SLC38A4: variants seen among roughly 807,000 people sequenced by gnomAD.
SLC38A4 encodes sodium-coupled neutral amino acid transporter 4.
A neutral mutation model predicts 63.1 loss-of-function variants in SLC38A4; 20 were observed. The ratio of observed to expected loss-of-function variants is 0.32; its 90% confidence interval spans 0.22 to 0.46. The LOEUF is 0.46. Ranked by LOEUF, SLC38A4 falls within the 20% of genes least tolerant of loss-of-function variation. SLC38A4 has a pLI of 1.00. For synonymous variants in SLC38A4, 230 were observed against 225.5 expected (o/e 1.02, Z -0.18); for missense variants, 526 against 663.6 (o/e 0.79, Z 2.28).
At chr12:46,794,109 A>G (rs927366297) in intron 2 of SLC38A4, among the ~76,000 whole-genome samples, 20 of 152,168 alleles carry the variant, frequency 1.3e-4, no homozygotes, top group African/African-American at 4.3e-4. Flanking sequence ...CATGTGCAAT[A>G]CCCATTTGAT....
At chr12:46,820,766 T>C (rs1355488622) in intron 1 of SLC38A4, among the ~76,000 whole-genome samples, 2 of 151,972 alleles carry the variant, frequency 1.3e-5, no homozygotes, top group Non-Finnish European at 2.9e-5. Context: ...GTTTTCCATA[T>C]TGCCTGTACT....
intron 1 of SLC38A4, among the ~76,000 whole-genome samples, chr12:46,815,041 G>T (rs550220892): frequency 3.3e-5 from 5 of 151,566 alleles, no homozygotes; most frequent in African/African-American, 1.2e-4. Flanking sequence ...TGGCTTTGTG[G>T]CATGAGTTTT....
intron 7 of SLC38A4, among the ~76,000 whole-genome samples, chr12:46,782,131 T>C (rs1938655839): frequency 6.6e-6 from 1 of 152,038 alleles, no homozygotes; most frequent in East Asian, 1.9e-4. Context: ...ACTTATCTGC[T>C]TACCAACTAT....
upstream of SLC38A4, among the ~76,000 whole-genome samples, chr12:46,826,292 G>A (rs1262236559): frequency 6.6e-6 from 1 of 152,152 alleles, no homozygotes; most frequent in African/African-American, 2.4e-5. Context: ...CAAACACAGG[G>A]TGGGTAGAAA....
intron 14 of SLC38A4, among the ~76,000 whole-genome samples, chr12:46,771,612 C>T (rs1209684783): frequency 6.6e-6 from 1 of 152,066 alleles, no homozygotes; most frequent in Non-Finnish European, 1.5e-5. Flanking sequence ...AGGAAAATTC[C>T]AAACAGAACT....
intron 14 of SLC38A4, among the ~76,000 whole-genome samples, 167 bp downstream of exon 14, chr12:46,774,882 C>G (rs1415604522): frequency 6.6e-6 from 1 of 152,032 alleles, no homozygotes; most frequent in Non-Finnish European, 1.5e-5. Flanking sequence ...GCTCTATCTA[C>G]ACATTAAATG....
rs1037786289 is a variant in SLC38A4, at chr12:46,787,846, T to C, written c.326+70A>G. ...ACGTTCACAAAGATCAAACTTGAGA[T>C]TGTTAATTGAAAAAGCCACCAGGTA... is the stretch of plus-strand genomic sequence containing the variant. On this transcript the variant is annotated intron_variant, in intron 5 of 16. Coordinates refer to ENST00000266579, the MANE Select transcript of SLC38A4 (RefSeq NM_018018.5). 88 of 1,081,386 alleles carry C rather than the reference T, an allele frequency of 8.1e-5. No homozygotes were observed. In the African/African-American group the frequency reaches 1.2e-3, roughly 15 times the overall value. 67.0% of individuals were successfully genotyped at this position (1,081,386 alleles called of 1,614,324 possible).
intron 1 of SLC38A4, among the ~76,000 whole-genome samples, chr12:46,813,321 G>T (rs1452547062): frequency 6.6e-6 from 1 of 151,886 alleles, no homozygotes; most frequent in Non-Finnish European, 1.5e-5. Flanking sequence ...CTGTTCAAAT[G>T]AGCTCAGCTT....
intron 2 of SLC38A4, among the ~76,000 whole-genome samples, chr12:46,799,885 C>A (rs934766037): frequency 9.9e-5 from 15 of 152,106 alleles, no homozygotes; most frequent in African/African-American, 3.4e-4. Flanking sequence ...AGACTCCTTG[C>A]ACCTGAGGAA....
chr12:46,780,049 C>G lies in SLC38A4; in HGVS notation c.494-19G>C, dbSNP rs372178668. 5.7e-6 allele frequency: 9 copies of G among 1,579,336 alleles called. No homozygotes were observed. The highest frequency in any genetic ancestry group is 2.7e-5 in the African/African-American group (2 of 74,068). ...GACATTGCTAAAATGGAAAATGTGA[C>G]AGCTTAATGGTGTGGACAGTACTGA... On this transcript the variant is annotated intron_variant, in intron 7 of 16. Coordinates refer to ENST00000266579, the MANE Select transcript of SLC38A4 (RefSeq NM_018018.5).
At chr12:46,794,684 G>A (rs905016961) in intron 2 of SLC38A4, among the ~76,000 whole-genome samples, 14 of 151,620 alleles carry the variant, frequency 9.2e-5, no homozygotes, top group Admixed American at 2.6e-4. Flanking sequence ...ATACAAATAA[G>A]AAGTTAAGAG....
chr12:46,817,515 A>C (rs529008554), intron 1 of SLC38A4, among the ~76,000 whole-genome samples: 32 of 151,936 alleles, frequency 2.1e-4, no homozygotes, highest in Admixed American at 3.9e-4. Context: ...AACCTGGTGC[A>C]CGAAAACGAT....
At chr12:46,770,891 G>C (rs1307965701) in intron 14 of SLC38A4, among the ~76,000 whole-genome samples, 1 of 152,104 alleles carries the variant, frequency 6.6e-6, no homozygotes, top group Non-Finnish European at 1.5e-5. Flanking sequence ...ATTTAAAAGA[G>C]AGAAAATGTA....
chr12:46,788,710 T>C (rs1938816971), intron 3 of SLC38A4, 92 bp from the exon 4 acceptor site: 1 of 1,163,998 alleles, frequency 8.6e-7, no homozygotes, highest in Non-Finnish European at 1.2e-6. Flanking sequence ...AGTAACTGAA[T>C]CAGAGGAGGG....
intron 14 of SLC38A4, among the ~76,000 whole-genome samples, chr12:46,772,533 A>G (rs895067031): frequency 6.6e-6 from 1 of 152,070 alleles, no homozygotes; most frequent in African/African-American, 2.4e-5. Flanking sequence ...AGGAGGTGCC[A>G]TTCCATAACT....
intron 15 of SLC38A4, among the ~76,000 whole-genome samples, chr12:46,768,887 A>G (rs770982672): frequency 1.1e-4 from 16 of 152,082 alleles, no homozygotes; most frequent in Non-Finnish European, 2.2e-4. Flanking sequence ...TCAACCTCCT[A>G]TTCCTCTGAA....
intron 1 of SLC38A4, among the ~76,000 whole-genome samples, chr12:46,818,529 C>A (rs1432958549): frequency 6.6e-6 from 1 of 151,624 alleles, no homozygotes; most frequent in Non-Finnish European, 1.5e-5. Context: ...TAATATAGTA[C>A]AACTCATTTT....
upstream of SLC38A4, among the ~76,000 whole-genome samples, chr12:46,827,923 ATGTTCAGTTACT>A (rs1939681554): frequency 1.3e-5 from 2 of 152,126 alleles, no homozygotes; most frequent in Non-Finnish European, 2.9e-5. Flanking sequence ...GCTAATTCCT[ATGTTCAGTTACT>A]TTGTTCTGTT....
intron 7 of SLC38A4, among the ~76,000 whole-genome samples, chr12:46,782,238 G>A (rs1229101781): frequency 6.6e-6 from 1 of 151,914 alleles, no homozygotes; most frequent in Non-Finnish European, 1.5e-5. Flanking sequence ...ATTAAAATGG[G>A]TTGCCTGTTT....
Sources: allele counts gnomAD v4.1 joint callset (sites outside exome capture counted in the v4.1 genomes callset), GRCh38; gene constraint gnomAD v4.1.1; transcripts MANE v1.5; gene names NCBI Gene and HGNC (gene_info 2026-07-23, HGNC 2026-07-21).